Variants in BMS1 observed in about 807,000 individuals in gnomAD.
The protein encoded by BMS1 is BMS1 ribosome biogenesis factor, also known as ribosome biogenesis protein BMS1 homolog.
Under a neutral mutation model 138.7 loss-of-function variants are expected in BMS1, and 53 were observed. That is an observed-to-expected ratio of 0.38 (90% CI 0.31 to 0.48). BMS1 has a LOEUF of 0.48. BMS1 is among the 20% of genes least tolerant of loss of function. The pLI, the probability that BMS1 is intolerant of heterozygous loss-of-function variation, is 0.97. For synonymous variants in BMS1, 504 were observed against 539.9 expected (o/e 0.93, Z 0.92); for missense variants, 1,360 against 1,565.5 (o/e 0.87, Z 2.22).
intron 8 of BMS1, 40 bp downstream of exon 8, chr10:42,793,184 A>G: frequency 6.6e-7 from 1 of 1,523,726 alleles, no homozygotes; most frequent in Non-Finnish European, 8.8e-7. Flanking sequence ...AACTTTCAGT[A>G]TTCTTTCTGA....
chr10:42,790,564 A>G (rs758476937), intron 5 of BMS1, 53 bp downstream of exon 5: 17 of 1,584,436 alleles, frequency 1.1e-5, no homozygotes, highest in Non-Finnish European at 1.5e-5. Context: ...TTTAAAATAG[A>G]CTGAAGAGGC....
At chr10:42,806,486 T>C (rs1356607265) in intron 13 of BMS1, among the ~76,000 whole-genome samples, 1 of 152,124 alleles carries the variant, frequency 6.6e-6, no homozygotes, top group Non-Finnish European at 1.5e-5. Context: ...CCTATAATCC[T>C]AGCACTTTGG....
chr10:42,816,539 G>A (rs1842354423), intron 13 of BMS1, 60 bp from the exon 14 acceptor site: 2 of 1,413,922 alleles, frequency 1.4e-6, no homozygotes, highest in South Asian at 1.3e-5. Context: ...TGTGGTAGGT[G>A]GGGCCAGCAG....
intron 13 of BMS1, among the ~76,000 whole-genome samples, chr10:42,814,640 A>G (rs1842285897): frequency 1.3e-5 from 2 of 152,128 alleles, no homozygotes; most frequent in Non-Finnish European, 2.9e-5. Flanking sequence ...GTCCTGGTCT[A>G]CTTTGTGGGC....
intron 13 of BMS1, among the ~76,000 whole-genome samples, chr10:42,813,160 C>CT (rs946106246): frequency 2.0e-5 from 3 of 152,226 alleles, no homozygotes; most frequent in Non-Finnish European, 4.4e-5. Context: ...CATTCTTTTA[C>CT]TTTCAGCCTA....
intron 6 of BMS1, 23 bp from the exon 7 acceptor site, chr10:42,792,470 T>A: frequency 6.2e-7 from 1 of 1,609,930 alleles, no homozygotes; most frequent in South Asian, 1.1e-5. Flanking sequence ...TCATTTCTGC[T>A]GTGATTGAAT....
chr10:42,787,281 G>A, intron 4 of BMS1, 34 bp downstream of exon 4: 1 of 835,332 alleles, frequency 1.2e-6, no homozygotes, highest in Non-Finnish European at 2.0e-6. Context: ...GGTGCTGATG[G>A]AGACTTACAG....
chr10:42,785,764 T>G, intron 3 of BMS1, 92 bp downstream of exon 3: 1 of 1,367,898 alleles, frequency 7.3e-7, no homozygotes, highest in Non-Finnish European at 1.0e-6. Context: ...TGGAACATGT[T>G]AAATATTGTC....
chr10:42,816,646 A>G lies in BMS1; in HGVS notation c.2377A>G (p.Lys793Glu), dbSNP rs770282077. The change falls in exon 14 of 23, where the codon AAG becomes GAG. Residue 793 changes from lysine to glutamate, a missense_variant. By Grantham distance (56) the Lys-to-Glu change is moderately conservative. Transcript: ENST00000374518. ...FEDLETGDVHKGKSGPNTQNE... is the reference protein window; with the variant it reads ...FEDLETGDVHEGKSGPNTQNE... ...AGACTTGGAAACAGGGGACGTGCAC[A>G]AGGGAAAATCAGGCCCCAATACTCA... The G allele has an allele frequency of 1.2e-5, 20 of 1,611,668 alleles. No individual in the cohort carries two copies. The South Asian group carries it at 1.9e-4, about 15-fold the overall frequency.
Position 42,812,569 on chromosome 10 carries a change from C to G in BMS1, c.2330-4030C>G, listed in dbSNP as rs529425630. ...CACCCCATTGGTGAAGGAGGGGTCC[C>G]TGCCCTAAAGTGTAGGAGATGGCTG... On this transcript the variant is annotated intron_variant, in intron 13 of 22. Coordinates refer to ENST00000374518, the MANE Select transcript of BMS1 (RefSeq NM_014753.4). 2.0e-5 allele frequency among the ~76,000 whole-genome samples: 3 copies of G among 152,320 alleles called. No individual in the cohort carries two copies. In the South Asian group the frequency reaches 6.2e-4, roughly 32 times the overall value.
chr10:42,789,719 G>GT (rs967159400), intron 4 of BMS1, among the ~76,000 whole-genome samples: 27 of 150,376 alleles, frequency 1.8e-4, no homozygotes, highest in Non-Finnish European at 2.7e-4. Flanking sequence ...ACAGATTGTG[G>GT]TTTTTTTTTC....
At chr10:42,792,020 A>G (rs1841521168) in intron 6 of BMS1, among the ~76,000 whole-genome samples, 1 of 152,190 alleles carries the variant, frequency 6.6e-6, no homozygotes, top group African/African-American at 2.4e-5. Flanking sequence ...GCCCCATCCT[A>G]CGTTCAGCCT....
At chr10:42,786,544 TGAGTA>T (rs932589927) in intron 3 of BMS1, among the ~76,000 whole-genome samples, 2 of 151,922 alleles carry the variant, frequency 1.3e-5, no homozygotes, top group African/African-American at 4.8e-5. Flanking sequence ...CTTAGCCTCC[TGAGTA>T]GTGTATGCCA....
At chr10:42,829,331 CA>C (rs1214026493) in intron 21 of BMS1, among the ~76,000 whole-genome samples, 95 of 151,590 alleles carry the variant, frequency 6.3e-4, no homozygotes, top group Non-Finnish European at 6.2e-4. Flanking sequence ...GAATTTGGGT[CA>C]TCTCAATTAA....
intron 13 of BMS1, among the ~76,000 whole-genome samples, chr10:42,807,447 C>A (rs945719490): frequency 6.6e-6 from 1 of 152,088 alleles, no homozygotes; most frequent in Non-Finnish European, 1.5e-5. Flanking sequence ...CATCCAAGAT[C>A]AAGCTGGGTT....
intron 18 of BMS1, among the ~76,000 whole-genome samples, chr10:42,821,768 G>A (rs971890816): frequency 1.3e-5 from 2 of 151,964 alleles, no homozygotes; most frequent in African/African-American, 4.8e-5. Flanking sequence ...GGCCAGACTG[G>A]TCTTGAACTT....
chr10:42,804,465 T>G (rs188969460), intron 13 of BMS1, among the ~76,000 whole-genome samples: 70 of 152,328 alleles, frequency 4.6e-4, no homozygotes, highest in Admixed American at 3.3e-3. Flanking sequence ...TCTTGTAGTT[T>G]TAGTGACTAA....
chr10:42,797,428 T>C lies in BMS1; in HGVS notation c.1994T>C (p.Leu665Pro). ...NNDSKETSGA[L>P]KWKEDLSRKA... ...TTGGCATTGGTCGTTTCAGGTGCCC[T>C]CAAGTGGAAGGAAGACCTTTCCAGA... The change falls in exon 11 of 23, where the codon CTC (leucine) becomes CCC (proline). Residue 665 changes from leucine (L) to proline (P), a missense_variant. Around this residue, in one of 3 missense-constraint regions of BMS1, gnomAD observed 697 missense variants for 686.2 expected, o/e 1.02. Transcript: ENST00000374518. 1 of 1,614,184 alleles carries C rather than the reference T, an allele frequency of 6.2e-7. No individual in the cohort carries two copies. Among genetic ancestry groups the C allele is most frequent in the Non-Finnish European group, 8.5e-7 (1 of 1,180,018 alleles).
In BMS1 at chr10:42,816,625, T is replaced by G. The variant is rs147533760; in HGVS notation, c.2356T>G (p.Leu786Val). ...GGAGCTCTACGGTGACTTTGAAGAC[T>G]TGGAAACAGGGGACGTGCACAAGGG... is the stretch of plus-strand genomic sequence containing the variant. ...DEELYGDFED[L>V]ETGDVHKGKS... Residue 786 changes from leucine (L) to valine (V), a missense_variant, in exon 14 of 23, where the codon TTG becomes GTG. Coordinates refer to ENST00000374518, the MANE Select transcript of BMS1 (RefSeq NM_014753.4). 5 of 1,611,256 alleles carry G rather than the reference T, an allele frequency of 3.1e-6. No homozygotes were observed. In the African/African-American group the frequency reaches 6.7e-5, roughly 22 times the overall value.
Sources: allele counts gnomAD v4.1 joint callset (sites outside exome capture counted in the v4.1 genomes callset), GRCh38; gene constraint gnomAD v4.1.1; regional missense constraint gnomAD v4.1.1; transcripts MANE v1.5; gene names NCBI Gene and HGNC (gene_info 2026-07-23, HGNC 2026-07-21).